Variants in RANBP2 observed in about 807,000 individuals in gnomAD.
RANBP2 encodes the protein RAN binding protein 2.
RANBP2 carries 57 observed loss-of-function variants against 303.6 expected under a neutral mutation model. The ratio of observed to expected loss-of-function variants is 0.19; its 90% confidence interval spans 0.15 to 0.23. RANBP2 has a LOEUF of 0.23. RANBP2 is among the 10% of genes least tolerant of loss of function. The pLI is 1.00. For synonymous variants in RANBP2, 1,167 were observed against 1,301.5 expected (o/e 0.90, Z 2.23); for missense variants, 3,138 against 3,780.8 (o/e 0.83, Z 4.46).
At chr2:108,929,282 T>C in the RANBP2 span, 1 of 1,614,152 alleles carries the variant, frequency 6.2e-7, no homozygotes, top group Non-Finnish European at 8.5e-7. Flanking sequence ...CTCACAGTCT[T>C]TGTGACGCCT....
At chr2:109,105,019 C>A in the RANBP2 span, among the ~76,000 whole-genome samples, 1 of 152,138 alleles carries the variant, frequency 6.6e-6, no homozygotes, top group Admixed American at 6.6e-5. Flanking sequence ...AGAGGGTCCC[C>A]CCAACCCTGC....
chr2:109,437,339 G>A, the RANBP2 span, among the ~76,000 whole-genome samples: 1,581 of 151,902 alleles, frequency 0.01, 33 homozygotes, highest in African/African-American at 0.036. Context: ...TTATGGGGTG[G>A]GCCTTAAAGG....
rs558223955 is a variant in RANBP2, at chr2:108,771,908, G to A, written c.8020+37G>A. The A allele has an allele frequency of 1.3e-5, 21 of 1,611,730 alleles. No homozygotes were observed. The South Asian group carries it at 1.3e-4, about 10-fold the overall frequency. On this transcript the variant is annotated intron_variant, in intron 21 of 28. Transcript: ENST00000283195. ...GTTATTTCAAAAATCCTCTGTTCCC[G>A]CTAATCTTAGTAAAATTGGGAGTAT...
chr2:109,500,422 G>A, the RANBP2 span, among the ~76,000 whole-genome samples: 21,290 of 152,018 alleles, frequency 0.14, 1,648 homozygotes, highest in East Asian at 0.21. Context: ...CCCTGCAGGC[G>A]GAGGCCATGC....
chr2:109,077,903 C>A, the RANBP2 span, among the ~76,000 whole-genome samples: 2 of 147,890 alleles, frequency 1.4e-5, no homozygotes, highest in Non-Finnish European at 3.0e-5. Flanking sequence ...GTATAGAGAT[C>A]CCTTAAAAAA....
At chr2:109,794,584 G>GGGCGGCGGC in the RANBP2 span, 398 of 854,572 alleles carry the variant, frequency 4.7e-4, 2 homozygotes, top group South Asian at 1.1e-3. Context: ...CCCGGCCGGG[G>GGGCGGCGGC]GGCGGCGGCG....
chr2:109,393,037 T>TCCAGC, the RANBP2 span, among the ~76,000 whole-genome samples: 2 of 152,146 alleles, frequency 1.3e-5, no homozygotes, highest in Non-Finnish European at 2.9e-5. Flanking sequence ...TTGATCGAAG[T>TCCAGC]CCAGCCCAGC....
the RANBP2 span, among the ~76,000 whole-genome samples, chr2:109,086,983 G>GA: frequency 8.5e-5 from 13 of 152,362 alleles, no homozygotes; most frequent in South Asian, 2.7e-3. Flanking sequence ...GATAAAGGAT[G>GA]AACTCACATG....
chr2:109,114,297 C>T, the RANBP2 span, among the ~76,000 whole-genome samples: 3 of 152,296 alleles, frequency 2.0e-5, no homozygotes, highest in South Asian at 6.2e-4. Context: ...TTGATTATTG[C>T]CACAATTTCA....
the RANBP2 span, among the ~76,000 whole-genome samples, chr2:109,122,490 G>A: frequency 6.6e-6 from 1 of 152,228 alleles, no homozygotes; most frequent in South Asian, 2.1e-4. Flanking sequence ...CAAGCCCAGA[G>A]GTGTTGGGTA....
chr2:109,096,799 G>C, the RANBP2 span, among the ~76,000 whole-genome samples: 1 of 139,652 alleles, frequency 7.2e-6, no homozygotes, highest in Non-Finnish European at 1.5e-5. Context: ...TTTTGGAAAC[G>C]CTTTTTTTTT....
the RANBP2 span, chr2:109,737,475 C>CTTTTT: frequency 2.1e-6 from 1 of 467,632 alleles, no homozygotes; most frequent in Admixed American, 3.2e-5. Context: ...TCAGAACCTG[C>CTTTTT]TTTTTTTTTT....
the RANBP2 span, among the ~76,000 whole-genome samples, chr2:108,922,216 G>T: frequency 2.6e-5 from 4 of 152,228 alleles, no homozygotes; most frequent in Non-Finnish European, 4.4e-5. Flanking sequence ...TGAATAGGTG[G>T]GGAGTGTCTG....
chr2:109,711,339 T>C, the RANBP2 span, among the ~76,000 whole-genome samples: 42 of 151,714 alleles, frequency 2.8e-4, no homozygotes, highest in African/African-American at 9.9e-4. Flanking sequence ...TTGCCAGGGG[T>C]GGGATGCAGC....
the RANBP2 span, among the ~76,000 whole-genome samples, chr2:109,239,032 A>G: frequency 6.6e-6 from 1 of 152,220 alleles, no homozygotes; most frequent in African/African-American, 2.4e-5. Flanking sequence ...TAAATGTAAT[A>G]AAAATAAGCA....
the RANBP2 span, among the ~76,000 whole-genome samples, chr2:108,972,252 C>T: frequency 6.6e-6 from 1 of 152,284 alleles, no homozygotes; most frequent in South Asian, 2.1e-4. Context: ...TTCAGCCACA[C>T]CCCTGTAAGA....
the RANBP2 span, among the ~76,000 whole-genome samples, chr2:109,243,512 A>C: frequency 6.6e-6 from 1 of 152,206 alleles, no homozygotes; most frequent in Non-Finnish European, 1.5e-5. Flanking sequence ...TCATGAAAAA[A>C]GTCAGATGGG....
chr2:109,504,160 C>T, the RANBP2 span: 1 of 152,238 alleles, frequency 6.6e-6, no homozygotes, highest in Non-Finnish European at 1.5e-5. Context: ...TTCTTCAGGC[C>T]ATCTTGCCTC....
the RANBP2 span, among the ~76,000 whole-genome samples, chr2:109,170,358 T>C: frequency 6.6e-6 from 1 of 151,664 alleles, no homozygotes; most frequent in Non-Finnish European, 1.5e-5. Flanking sequence ...TTTCTTTCTT[T>C]CTTTTTTGAC....
Sources: allele counts gnomAD v4.1 joint callset (sites outside exome capture counted in the v4.1 genomes callset), GRCh38; gene constraint gnomAD v4.1.1; transcripts MANE v1.5; gene names NCBI Gene and HGNC (gene_info 2026-07-23, HGNC 2026-07-21).